The following CERKL variants were observed in gnomAD, a reference collection of about 807,000 sequenced individuals.
CERKL encodes CERK like autophagy regulator, also known as ceramide kinase-like protein.
Under a neutral mutation model 63.4 loss-of-function variants are expected in CERKL, and 61 were observed. The observed-to-expected ratio is 0.96, with a 90% CI of 0.78 to 1.19. CERKL has a LOEUF of 1.19. Ranked by LOEUF, CERKL falls within the 50% of genes most tolerant of loss-of-function variation. The probability of loss-of-function intolerance (pLI) is 0.00; values close to 1 mark genes in which losing one functional copy is unlikely to be tolerated. For synonymous variants in CERKL, 250 were observed against 230.5 expected (o/e 1.08, Z -0.77); for missense variants, 675 against 655.5 (o/e 1.03, Z -0.33).
chr2:181,656,754 G>C lies in CERKL; in HGVS notation c.238+15C>G, dbSNP rs1688178758. 6.3e-7 allele frequency: 1 copy of C among 1,580,780 alleles called. No homozygotes were observed. The highest frequency in any genetic ancestry group is 1.4e-5 in the African/African-American group (1 of 73,164). On this transcript the variant is annotated intron_variant, in intron 1 of 12. Transcript: ENST00000410087. ...GCGCGGAGGGAGGCGAAGACGCTTG[G>C]GGCCGGGCACTCACCCGCCGGGCGC...
In CERKL at chr2:181,657,065, T is replaced by C; in HGVS notation, c.-59A>G. 2 of 1,451,744 alleles carry C rather than the reference T, an allele frequency of 1.4e-6. No individual in the cohort carries two copies. The highest frequency in any genetic ancestry group is 1.2e-5 in the South Asian group (1 of 82,912). 89.9% of individuals were successfully genotyped at this position (1,451,744 alleles called of 1,614,324 possible). A position where few individuals can be genotyped will look rare whatever the true frequency, so the allele number is the denominator to read the frequency against. On this transcript the variant is annotated 5_prime_UTR_variant, in exon 1 of 13. Transcript: ENST00000410087. ...CCGGGGAGGCCTTTGGAGAAGGAGG[T>C]GGAGGGCGCGGCAGCCCCAGCTCTA...
At chr2:181,622,027 A>C (rs1266236130) in intron 1 of CERKL, among the ~76,000 whole-genome samples, 1 of 152,212 alleles carries the variant, frequency 6.6e-6, no homozygotes, top group African/African-American at 2.4e-5. Context: ...CAACATTATA[A>C]AGGACAGAGT....
At chr2:181,597,728 G>C (rs983169395) in intron 2 of CERKL, among the ~76,000 whole-genome samples, 3 of 152,158 alleles carry the variant, frequency 2.0e-5, no homozygotes, top group Admixed American at 2.0e-4. Flanking sequence ...GTGCACCAGT[G>C]GTGGGCCTCT....
At chr2:181,631,772 T>C (rs913491726) in intron 1 of CERKL, among the ~76,000 whole-genome samples, 7 of 152,038 alleles carry the variant, frequency 4.6e-5, no homozygotes, top group African/African-American at 1.7e-4. Context: ...GGCTCTCGAG[T>C]ATGGAAAGGG....
At chr2:181,641,805 T>TGTTTCTG (rs1172145796) in intron 1 of CERKL, among the ~76,000 whole-genome samples, 6 of 152,204 alleles carry the variant, frequency 3.9e-5, no homozygotes, top group African/African-American at 1.4e-4. Context: ...ACACTAGCCA[T>TGTTTCTG]GTTTCTGTTC....
chr2:181,565,907 AATT>A (rs1688646661), intron 4 of CERKL, 148 bp downstream of exon 4: 1 of 615,678 alleles, frequency 1.6e-6, no homozygotes, highest in East Asian at 2.8e-5. Flanking sequence ...TATTATCATT[AATT>A]ATTATTACAT....
intron 2 of CERKL, among the ~76,000 whole-genome samples, chr2:181,577,750 T>C (rs1030773834): frequency 2.0e-5 from 3 of 151,628 alleles, no homozygotes; most frequent in African/African-American, 7.3e-5. Context: ...GTGGAAGAGG[T>C]AAGAATTGTT....
At chr2:181,573,970 G>T in intron 2 of CERKL, 86 bp from the exon 3 acceptor site, 1 of 1,244,092 alleles carries the variant, frequency 8.0e-7, no homozygotes, top group Non-Finnish European at 1.2e-6. Context: ...AAGTCTGTTA[G>T]AATGTTATAT....
chr2:181,621,972 C>T (rs1047735013), intron 1 of CERKL, among the ~76,000 whole-genome samples: 1 of 152,154 alleles, frequency 6.6e-6, no homozygotes, highest in African/African-American at 2.4e-5. Flanking sequence ...CAGATGGATT[C>T]AAGTTTCCTT....
intron 4 of CERKL, chr2:181,565,627 A>G: frequency 1.2e-6 from 1 of 862,556 alleles, no homozygotes; most frequent in Non-Finnish European, 1.9e-6. Flanking sequence ...TCTTCCCTCA[A>G]TCTATCACAG....
Position 181,600,045 on chromosome 2 carries a change from T to A in CERKL, c.481+3792A>T, listed in dbSNP as rs58776441. Among the ~76,000 whole-genome samples the A allele has an allele frequency of 3.2e-3, 482 of 152,306 alleles. 4 individuals are homozygous for A. The highest frequency in any genetic ancestry group is 0.011 in the African/African-American group (461 of 41,564). ...AAGCAAGAAGAGATCAGGGGCCTACTTTTAGCCTCCTTAAAGAAAAAAGAA... is the reference window on the plus strand; with the variant it reads ...AAGCAAGAAGAGATCAGGGGCCTACATTTAGCCTCCTTAAAGAAAAAAGAA... On this transcript the variant is annotated intron_variant, in intron 2 of 12. Coordinates refer to ENST00000410087, the MANE Select transcript of CERKL (RefSeq NM_201548.5).
chr2:181,573,688 A>G lies in CERKL; in HGVS notation c.613+65T>C, dbSNP rs1683045823. On this transcript the variant is annotated intron_variant, in intron 3 of 12. Transcript: ENST00000410087. ...TTTCCCAAGTTTGCATTAAGGACAA[A>G]TTCAGATTATTTTGCTTTTGTATGT... 2.7e-6 allele frequency: 4 copies of G among 1,490,478 alleles called. No individual in the cohort carries two copies. The Admixed American group carries it at 5.2e-5, about 19-fold the overall frequency. 92.3% of individuals were successfully genotyped at this position (1,490,478 alleles called of 1,614,324 possible).
At chr2:181,629,320 A>T (rs920215392) in intron 1 of CERKL, among the ~76,000 whole-genome samples, 8 of 152,194 alleles carry the variant, frequency 5.3e-5, no homozygotes, top group Non-Finnish European at 7.3e-5. Context: ...CAGTGGATTT[A>T]GATAACAGGG....
chr2:181,601,024 A>C (rs1220920408), intron 2 of CERKL, among the ~76,000 whole-genome samples: 1 of 152,226 alleles, frequency 6.6e-6, no homozygotes, highest in African/African-American at 2.4e-5. Context: ...ACAATGAAAT[A>C]AAATTAGAAA....
chr2:181,643,680 G>A (rs1053014971), intron 1 of CERKL, among the ~76,000 whole-genome samples: 3 of 152,214 alleles, frequency 2.0e-5, no homozygotes, highest in African/African-American at 7.2e-5. Context: ...GAGGACTGAG[G>A]AAAAGTGGAG....
At chr2:181,571,191 G>A (rs754366565) in intron 3 of CERKL, among the ~76,000 whole-genome samples, 1 of 152,060 alleles carries the variant, frequency 6.6e-6, no homozygotes, top group Non-Finnish European at 1.5e-5. Flanking sequence ...TAAATATTGA[G>A]CCAATATGCA....
intron 2 of CERKL, among the ~76,000 whole-genome samples, chr2:181,585,734 C>G (rs77146830): frequency 6.6e-6 from 1 of 152,092 alleles, no homozygotes; most frequent in Non-Finnish European, 1.5e-5. Context: ...AATTAAAACT[C>G]TAAATTAATA....
chr2:181,584,530 C>T (rs907766448), intron 2 of CERKL, among the ~76,000 whole-genome samples: 41 of 151,168 alleles, frequency 2.7e-4, no homozygotes, highest in African/African-American at 9.7e-4. Flanking sequence ...AAAAAAAAAT[C>T]TGCCATGTCT....
At chr2:181,645,052 T>TCA (rs1476077645) in intron 1 of CERKL, among the ~76,000 whole-genome samples, 2 of 152,128 alleles carry the variant, frequency 1.3e-5, no homozygotes, top group African/African-American at 4.8e-5. Flanking sequence ...AACAAGACAG[T>TCA]CACATTCCTG....
Sources: allele counts gnomAD v4.1 joint callset (sites outside exome capture counted in the v4.1 genomes callset), GRCh38; gene constraint gnomAD v4.1.1; transcripts MANE v1.5; gene names NCBI Gene and HGNC (gene_info 2026-07-23, HGNC 2026-07-21).